The following POLE variants were observed in gnomAD, a reference collection of about 807,000 sequenced individuals.
POLE encodes the protein DNA polymerase epsilon, catalytic subunit.
POLE carries 188 observed loss-of-function variants against 279.2 expected under a neutral mutation model. The observed-to-expected ratio is 0.67, with a 90% CI of 0.60 to 0.76. The LOEUF (loss-of-function observed/expected upper bound fraction) is 0.76, where lower values mean the gene tolerates loss of function less well. POLE is among the 30% of genes least tolerant of loss of function. POLE has a pLI of 0.00. For missense variants in POLE, 2,703 were observed against 3,016.7 expected (o/e 0.90, Z 2.44); for synonymous variants, 1,214 against 1,172.5 (o/e 1.04, Z -0.72).
intron 29 of POLE, chr12:132,650,766 C>T (rs2042404730): frequency 6.6e-6 from 1 of 152,090 alleles, no homozygotes; most frequent in Non-Finnish European, 1.5e-5. Flanking sequence ...TCTGTCTGCC[C>T]CCACACACCT....
rs1555225965 is a variant in POLE at position 132,661,146 on chromosome 12, T to C, written c.2883A>G (p.Glu961=). The C allele has an allele frequency of 3.1e-6, 5 of 1,611,228 alleles. No individual in the cohort carries two copies. The highest frequency in any genetic ancestry group is 4.2e-6 in the Non-Finnish European group (5 of 1,179,116). The change falls in exon 25 of 49, where the codon GAA becomes GAG. Residue 961 remains glutamate (E), a synonymous_variant. Coordinates refer to ENST00000320574, the MANE Select transcript of POLE (RefSeq NM_006231.4). The surrounding 1 kb of genome is among the most constrained non-coding windows in gnomAD (Gnocchi z 4.1). ...CCTTGAGCTCAGCCAGAGAACCGTCTTCATTGAACACAGCATACCTGAAAA... is the reference window on the plus strand; with the variant it reads ...CCTTGAGCTCAGCCAGAGAACCGTCCTCATTGAACACAGCATACCTGAAAA... ...KLKKRYAVFN[E]DGSLAELKGF...
In POLE at chr12:132,657,902, T is replaced by C; in HGVS notation, c.3344A>G (p.Lys1115Arg). 1 of 1,614,086 alleles carries C rather than the reference T, an allele frequency of 6.2e-7. No individual in the cohort carries two copies. The highest frequency in any genetic ancestry group is 8.5e-7 in the Non-Finnish European group (1 of 1,179,906). ...ATCAAAGTCTTGAAGGGAAGAGCTCTTGAGCCATTTCCGGAGAAAGTGCTT... is the reference window on the plus strand; with the variant it reads ...ATCAAAGTCTTGAAGGGAAGAGCTCCTGAGCCATTTCCGGAGAAAGTGCTT... ...VRKHFLRKWL[K>R]SSSLQDFDIR... Residue 1115 changes from lysine to arginine, a missense_variant, in exon 27 of 49, where the codon AAG (lysine) becomes AGG (arginine). Physicochemically the swap from Lys to Arg is conservative, Grantham distance 26 (BLOSUM62 2). Coordinates refer to ENST00000320574, the MANE Select transcript of POLE (RefSeq NM_006231.4).
chr12:132,648,823 C>T (rs551100029), intron 32 of POLE, 106 bp downstream of exon 32: 610 of 1,213,738 alleles, frequency 5.0e-4, no homozygotes, highest in Middle Eastern at 8.1e-4. Context: ...CCTAGAACAT[C>T]CCCATAAGGT....
chr12:132,659,332 T>A lies in POLE; in HGVS notation c.3238A>T (p.Ile1080Phe), dbSNP rs2042627964. The change falls in exon 26 of 49, where the codon ATC (isoleucine) becomes TTC (phenylalanine). Residue 1080 changes from isoleucine (I) to phenylalanine (F), a missense_variant. Transcript: ENST00000320574. ...GGGGAGCCCTCGGGCTTGCGGGAGA[T>A]GATGTAGCGGCAACTCAGCCCTGCA... The part of the protein sequence containing the change: ...KDAGLSCRYI[I>F]SRKPEGSPVT... The A allele has an allele frequency of 6.2e-7, 1 of 1,613,016 alleles. No homozygotes were observed. The highest frequency in any genetic ancestry group is 8.5e-7 in the Non-Finnish European group (1 of 1,180,018).
chr12:132,624,842 A>C (rs1258407032), intron 48 of POLE, 32 bp from the exon 49 acceptor site: 1 of 1,586,040 alleles, frequency 6.3e-7, no homozygotes, highest in Non-Finnish European at 8.7e-7. Context: ...GTGAGACCCC[A>C]GTCCACTCAG....
At chr12:132,625,113 C>T in intron 47 of POLE, 119 bp from the exon 48 acceptor site, 2 of 749,024 alleles carry the variant, frequency 2.7e-6, no homozygotes, top group Non-Finnish European at 4.6e-6. Flanking sequence ...CGAGCCCCTG[C>T]TGTGTGCAGC....
Position 132,672,781 on chromosome 12 carries a change from TG to T in POLE, c.1531del (p.His511ThrfsTer17). 6.2e-7 allele frequency: 1 copy of T among 1,614,190 alleles called. No individual in the cohort carries two copies. Among genetic ancestry groups the T allele is most frequent in the South Asian group, 1.1e-5 (1 of 91,082 alleles). ...CEALLMVQAF[H>X]ANIIFPNKQE... ...CTTGTTGGGGAAGATGATGTTGGCG[TG>T]GAAGGCCTGCACCATCAGCAAGGCC... On this transcript the variant is annotated frameshift_variant, in exon 15 of 49. Transcript: ENST00000320574. LOFTEE classifies it high-confidence loss of function.
Position 132,638,878 on chromosome 12 carries a change from A to G in POLE, c.5552+247T>C, listed in dbSNP as rs926094143. On this transcript the variant is annotated intron_variant, in intron 40 of 48. Coordinates refer to ENST00000320574, the MANE Select transcript of POLE (RefSeq NM_006231.4). ...CAAGGCACACAGCAATACAATGTGTAGCATGACTTTGTGCAGGAAAGGGGC... is the reference window on the plus strand; with the variant it reads ...CAAGGCACACAGCAATACAATGTGTGGCATGACTTTGTGCAGGAAAGGGGC... The G allele has an allele frequency of 5.7e-6, 3 of 526,886 alleles. No individual in the cohort carries two copies. The Admixed American group carries it at 9.7e-5, about 17-fold the overall frequency. The allele number at this position is 526,886 out of a possible 1,614,324, so 32.6% of individuals were successfully genotyped here.
rs1364565788 is a variant in POLE, at chr12:132,669,068, G to A, written c.1795-129C>T. 14 of 782,410 alleles carry A rather than the reference G, an allele frequency of 1.8e-5. No homozygotes were observed. The East Asian group carries it at 3.2e-4, about 18-fold the overall frequency. The allele number at this position is 782,410 out of a possible 1,614,324, so 48.5% of individuals were successfully genotyped here. On this transcript the variant is annotated intron_variant, in intron 16 of 48. Coordinates refer to ENST00000320574, the MANE Select transcript of POLE (RefSeq NM_006231.4). ...ATATAAATAGAGCAAAAACTAGCCA[G>A]AAGAAAAAAGTTAAGAAGGGTTGCC...
chr12:132,673,080 A>C, intron 14 of POLE, 84 bp downstream of exon 14: 1 of 946,002 alleles, frequency 1.1e-6, no homozygotes, highest in Middle Eastern at 2.4e-4. Flanking sequence ...CTCCTGGGAC[A>C]TCCACCTCCA....
intron 13 of POLE, 26 bp from the exon 14 acceptor site, chr12:132,673,303 G>A (rs2135997344): frequency 3.3e-6 from 5 of 1,496,600 alleles, no homozygotes; most frequent in African/African-American, 1.4e-5. Context: ...CAGAGAGCAG[G>A]GCCATCAAAA....
intron 32 of POLE, 41 bp downstream of exon 32, chr12:132,648,888 C>T (rs771535105): frequency 2.5e-6 from 4 of 1,579,362 alleles, no homozygotes; most frequent in South Asian, 1.2e-5. Flanking sequence ...CCACCTCAGG[C>T]TGCCCAGATG....
rs753360358 is a variant in POLE at position 132,681,165 on chromosome 12, C to G, written c.177G>C (p.Lys59Asn). ...GFERLKEPGE[K>N]TGWLINMHPT... ...GATGCATGTTAATGAGCCAGCCTGT[C>G]TTCTCACCAGGCTCCTTCAGCCGCT... Residue 59 changes from lysine (K) to asparagine (N), a missense_variant, in exon 2 of 49, where the codon AAG becomes AAC. Transcript: ENST00000320574. 2.4e-5 allele frequency: 39 copies of G among 1,614,004 alleles called. No homozygotes were observed. Among genetic ancestry groups the G allele is most frequent in the Non-Finnish European group, 3.0e-5 (35 of 1,180,020 alleles).
chr12:132,641,416 G>A, intron 39 of POLE: 2 of 578,700 alleles, frequency 3.5e-6, no homozygotes, highest in Non-Finnish European at 6.2e-6. Flanking sequence ...AAGTACCTCT[G>A]GCCACAGGGA....
In POLE at chr12:132,642,246, T is replaced by C. The variant is rs1431532125; in HGVS notation, c.5104A>G (p.Asn1702Asp). ...TCATCGAACTCCATGACAAGACAGTTGTCATCAGCCTCCTTTCCACCCAGG... is the reference window on the plus strand; with the variant it reads ...TCATCGAACTCCATGACAAGACAGTCGTCATCAGCCTCCTTTCCACCCAGG... ...PDLGGKEADD[N>D]CLVMEFDDQA... is the part of the protein sequence containing the mutation. Residue 1702 changes from asparagine to aspartate, a missense_variant, in exon 38 of 49, where the codon AAC becomes GAC. Asn to Asp is a conservative substitution (Grantham distance 23). Coordinates refer to ENST00000320574, the MANE Select transcript of POLE (RefSeq NM_006231.4). 6.2e-7 allele frequency: 1 copy of C among 1,611,388 alleles called. No individual in the cohort carries two copies. Among genetic ancestry groups the C allele is most frequent in the Non-Finnish European group, 8.5e-7 (1 of 1,178,744 alleles).
chr12:132,670,496 G>A (rs962943542), intron 16 of POLE, among the ~76,000 whole-genome samples: 4 of 150,476 alleles, frequency 2.7e-5, no homozygotes, highest in African/African-American at 7.3e-5. Context: ...TGATCCACCC[G>A]CCTCAGCCTC....
intron 7 of POLE, 31 bp downstream of exon 7, chr12:132,677,547 G>A (rs2043082148): frequency 1.9e-6 from 3 of 1,613,456 alleles, no homozygotes; most frequent in Non-Finnish European, 2.5e-6. Context: ...GGAAATTCAT[G>A]TGAGCAGCGA....
In POLE at chr12:132,626,112, C is replaced by T. The variant is rs368538240; in HGVS notation, c.6531+5G>A. ...AGTGAAGGGCCCGCTGGAGCTCAGC[C>T]GCACCTCTGAGAAGGAAGAGTCTTT... On this transcript the variant is annotated splice_donor_5th_base_variant and intron_variant, in intron 46 of 48. Coordinates refer to ENST00000320574, the MANE Select transcript of POLE (RefSeq NM_006231.4). 36 of 1,588,608 alleles carry T rather than the reference C, an allele frequency of 2.3e-5. No homozygotes were observed. In the African/African-American group the frequency reaches 3.5e-4, roughly 15 times the overall value.
intron 42 of POLE, among the ~76,000 whole-genome samples, chr12:132,635,302 TG>T (rs1253081533): frequency 6.6e-5 from 10 of 152,194 alleles, no homozygotes; most frequent in African/African-American, 2.2e-4. Context: ...GCTGGCCCCT[TG>T]GCTCCACTTC....
Sources: allele counts gnomAD v4.1 joint callset (sites outside exome capture counted in the v4.1 genomes callset), GRCh38; gene constraint gnomAD v4.1.1; non-coding constraint Gnocchi (gnomAD v3.1); transcripts MANE v1.5; gene names NCBI Gene and HGNC (gene_info 2026-07-23, HGNC 2026-07-21).